The following ADAMTS7 variants were observed in gnomAD, a reference collection of about 807,000 sequenced individuals.
ADAMTS7 encodes the protein ADAM metallopeptidase with thrombospondin type 1 motif 7.
A neutral mutation model predicts 172.6 loss-of-function variants in ADAMTS7; 89 were observed. The observed-to-expected ratio is 0.52, with a 90% confidence interval of 0.43 to 0.61. ADAMTS7 has a LOEUF of 0.61. ADAMTS7 is among the 20% of genes least tolerant of loss of function. The pLI is 0.00. For synonymous variants in ADAMTS7, 885 were observed against 978.4 expected (o/e 0.90, Z 1.78); for missense variants, 1,973 against 2,355.6 (o/e 0.84, Z 3.36).
chr15:78,766,857 C>A lies in ADAMTS7; in HGVS notation c.3054G>T (p.Glu1018Asp). The change falls in exon 19 of 24, where the codon GAG becomes GAT. Residue 1018 changes from glutamate to aspartate, a missense_variant. This residue lies in a region of ADAMTS7 where 771 missense variants were observed against 952.6 expected (regional missense o/e 0.81). Transcript: ENST00000388820. ...SGSSSHELFN[E>D]ADFIPHHLAP... ...CCAGGTGGTGCGGGATGAAGTCAGC[C>A]TCGTTGAAGAGCTCGTGGCTGGAGG... 1 of 1,609,836 alleles carries A rather than the reference C, an allele frequency of 6.2e-7. No individual in the cohort carries two copies. The highest frequency in any genetic ancestry group is 8.5e-7 in the Non-Finnish European group (1 of 1,179,266).
intron 13 of ADAMTS7, among the ~76,000 whole-genome samples, chr15:78,773,496 G>C (rs2055288201): frequency 6.6e-6 from 1 of 151,826 alleles, no homozygotes; most frequent in African/African-American, 2.4e-5. Context: ...CGGGCAGGCA[G>C]GGGATCTGAC....
intron 8 of ADAMTS7, among the ~76,000 whole-genome samples, chr15:78,787,284 C>T (rs530207935): frequency 2.3e-5 from 3 of 132,410 alleles, no homozygotes; most frequent in African/African-American, 8.3e-5. Context: ...ATGAATGGTA[C>T]AATTTATGCC....
At position 78,771,547 on chromosome 15, in the gene ADAMTS7, C is replaced by T; in HGVS notation, c.2376+38G>A. ...GAGGGTGCTGGGCCTGGGGACTCCG[C>T]CTCTGCTCCCCCCGCCTGGGCCACG... On this transcript the variant is annotated intron_variant, in intron 15 of 23. Transcript: ENST00000388820. The surrounding 1 kb of genome is among the most constrained non-coding windows in gnomAD (Gnocchi z 4.9). 1.3e-6 allele frequency: 2 copies of T among 1,567,710 alleles called. No individual in the cohort carries two copies. The highest frequency in any genetic ancestry group is 2.3e-5 in the South Asian group (2 of 87,070).
At chr15:78,792,926 A>T (rs191147777) in intron 4 of ADAMTS7, among the ~76,000 whole-genome samples, 2 of 152,250 alleles carry the variant, frequency 1.3e-5, no homozygotes, top group Admixed American at 1.3e-4. Flanking sequence ...AAGCTCTAGG[A>T]CTCAGGTCTG....
In ADAMTS7 at chr15:78,796,644, C is replaced by T; in HGVS notation, c.765G>A (p.Val255=). ...ETLVVADAKM[V]EYHGQPQVES... Reference sequence around the variant, plus strand: ...CAACCTGCGGCTGTCCGTGGTACTCCACCATTTTGGCATCAGCTACTACCA... The same window carrying T: ...CAACCTGCGGCTGTCCGTGGTACTCTACCATTTTGGCATCAGCTACTACCA... Residue 255 remains valine (V), a synonymous_variant, in exon 4 of 24, where the codon GTG becomes GTA. Coordinates refer to ENST00000388820, the MANE Select transcript of ADAMTS7 (RefSeq NM_014272.5). 6.2e-7 allele frequency: 1 copy of T among 1,614,162 alleles called. No individual in the cohort carries two copies. The highest frequency in any genetic ancestry group is 8.5e-7 in the Non-Finnish European group (1 of 1,180,018).
Position 78,806,343 on chromosome 15 carries a change from G to A in ADAMTS7, c.100+4778C>T, listed in dbSNP as rs180690641. On this transcript the variant is annotated intron_variant, in intron 1 of 23. Transcript: ENST00000388820. ...GTGAAGACAAGAAGGGCCTCATGGT[G>A]GTAGGGGCACTGTGTGGTAAACCCT... Among the ~76,000 whole-genome samples the A allele has an allele frequency of 3.1e-3, 467 of 152,216 alleles. 2 individuals are homozygous for A. Among genetic ancestry groups the A allele is most frequent in the African/African-American group, 0.01 (435 of 41,538 alleles).
At position 78,763,799 on chromosome 15, in the gene ADAMTS7, C is replaced by T. The variant is rs1414129427; in HGVS notation, c.4640G>A (p.Cys1547Tyr). 1 of 1,586,150 alleles carries T rather than the reference C, an allele frequency of 6.3e-7. No homozygotes were observed. Among genetic ancestry groups the T allele is most frequent in the Non-Finnish European group, 8.6e-7 (1 of 1,168,704 alleles). ...GGGEQQRLVT[C>Y]PEPGLCEEAL... Reference sequence around the variant, plus strand: ...CTCCTCGCAGAGGCCTGGCTCCGGGCAGGTCACTAGACGCTGCTGCTCACC... The same window carrying T: ...CTCCTCGCAGAGGCCTGGCTCCGGGTAGGTCACTAGACGCTGCTGCTCACC... Residue 1547 changes from cysteine (C) to tyrosine (Y), a missense_variant, in exon 22 of 24, where the codon TGC becomes TAC. Cys to Tyr is a radical substitution (Grantham distance 194). Around this residue, in one of 8 missense-constraint regions of ADAMTS7, gnomAD observed 218 missense variants for 216.9 expected, o/e 1.01. Transcript: ENST00000388820.
rs139513941 is a variant in ADAMTS7, at chr15:78,766,345, G to T, written c.3566C>A (p.Thr1189Asn). 1.0e-3 allele frequency: 1,641 copies of T among 1,610,950 alleles called. 7 individuals carry two copies. Among genetic ancestry groups the T allele is most frequent in the Middle Eastern group, 1.8e-3 (8 of 4,480 alleles). Residue 1189 changes from threonine to asparagine, a missense_variant, in exon 19 of 24, where the codon ACC (threonine) becomes AAC (asparagine). Around this residue, in one of 8 missense-constraint regions of ADAMTS7, gnomAD observed 771 missense variants for 952.6 expected, o/e 0.81. Coordinates refer to ENST00000388820, the MANE Select transcript of ADAMTS7 (RefSeq NM_014272.5). ...VSTDGLQTPA[T>N]PESQNDFPVG... ...TGGGAAATCATTTTGGCTCTCAGGGGTGGCAGGTGTCTGCAGGCCATCAGT... is the reference window on the plus strand; with the variant it reads ...TGGGAAATCATTTTGGCTCTCAGGGTTGGCAGGTGTCTGCAGGCCATCAGT...
chr15:78,768,737 T>C (rs574404442), intron 16 of ADAMTS7, among the ~76,000 whole-genome samples: 30 of 152,290 alleles, frequency 2.0e-4, no homozygotes, highest in Non-Finnish European at 4.4e-5. Flanking sequence ...AACCCAGCCA[T>C]GGCTCCTGCC....
At chr15:78,760,235 C>G (rs532614095) in intron 23 of ADAMTS7, among the ~76,000 whole-genome samples, 15 of 152,312 alleles carry the variant, frequency 9.8e-5, no homozygotes, top group African/African-American at 3.6e-4. Context: ...CTGTGCTTGT[C>G]AGGGCTGAGG....
intron 8 of ADAMTS7, among the ~76,000 whole-genome samples, chr15:78,786,174 C>A (rs907203909): frequency 3.3e-5 from 5 of 151,940 alleles, no homozygotes; most frequent in African/African-American, 1.2e-4. Flanking sequence ...AAGTGATCCA[C>A]CTGCCTCAGC....
Position 78,789,696 on chromosome 15 carries a change from C to T in ADAMTS7, c.1171G>A (p.Gly391Arg), listed in dbSNP as rs774694490. Reference sequence around the variant, plus strand: ...TGGGGGCAGGCACAGTACCTGTGCCCGAGCTCGTGGGCTACAGTGAAGGCC... The same window carrying T: ...TGGGGGCAGGCACAGTACCTGTGCCTGAGCTCGTGGGCTACAGTGAAGGCC... ...PLAFTVAHEL[G>R]HSFGIQHDGS... The change falls in exon 7 of 24, where the codon GGG (glycine) becomes AGG (arginine). Residue 391 changes from glycine (G) to arginine (R), a missense_variant. Physicochemically the swap from Gly to Arg is moderately radical, Grantham distance 125 (BLOSUM62 -2). This residue lies in a region of ADAMTS7 where 526 missense variants were observed against 662.9 expected (regional missense o/e 0.79). Transcript: ENST00000388820. 12 of 1,613,634 alleles carry T rather than the reference C, an allele frequency of 7.4e-6. No homozygotes were observed. The highest frequency in any genetic ancestry group is 2.2e-5 in the East Asian group (1 of 44,898).
At chr15:78,797,634 C>T (rs901911773) in intron 3 of ADAMTS7, among the ~76,000 whole-genome samples, 4 of 152,320 alleles carry the variant, frequency 2.6e-5, no homozygotes, top group African/African-American at 9.6e-5. Context: ...GGAAGAACGG[C>T]TGGCAGAGCC....
chr15:78,778,604 G>A (rs2055386680), intron 8 of ADAMTS7, among the ~76,000 whole-genome samples: 1 of 152,166 alleles, frequency 6.6e-6, no homozygotes, highest in African/African-American at 2.4e-5. Flanking sequence ...AGACTTGCAG[G>A]GCTGGGGACG....
chr15:78,791,316 G>T, intron 4 of ADAMTS7, 93 bp from the exon 5 acceptor site: 1 of 890,324 alleles, frequency 1.1e-6, no homozygotes, highest in Non-Finnish European at 1.6e-6. Context: ...GCAGGGCAAC[G>T]CACACCTGTG....
At chr15:78,774,525 G>A (rs1420749218) in intron 12 of ADAMTS7, 99 bp downstream of exon 12, 2 of 1,570,656 alleles carry the variant, frequency 1.3e-6, no homozygotes, top group African/African-American at 2.7e-5. Context: ...CCAGGCTTGG[G>A]GTGAAGACTG....
Position 78,766,704 on chromosome 15 carries a change from G to C in ADAMTS7, c.3207C>G (p.Phe1069Leu). ...AGGACAGATCCTCGTGGAAATTGAT[G>C]AAATTGTAGTCGTAGTAGAAGTCGT... is the stretch of plus-strand genomic sequence containing the variant. Reference protein sequence around the residue: ...FVDDFYYDYNFINFHEDLSYG... With the variant: ...FVDDFYYDYNLINFHEDLSYG... The change falls in exon 19 of 24, where the codon TTC becomes TTG. Residue 1069 changes from phenylalanine to leucine, a missense_variant. Phe to Leu is a conservative substitution (Grantham distance 22). Coordinates refer to ENST00000388820, the MANE Select transcript of ADAMTS7 (RefSeq NM_014272.5). The C allele has an allele frequency of 6.2e-7, 1 of 1,610,926 alleles. No individual in the cohort carries two copies. Among genetic ancestry groups the C allele is most frequent in the Non-Finnish European group, 8.5e-7 (1 of 1,179,842 alleles).
rs1319163816 is a variant in ADAMTS7 at position 78,771,593 on chromosome 15, A to G, written c.2368T>C (p.Trp790Arg). The stretch of plus-strand genomic sequence containing the variant: ...CCACGGGAGGCAGGCACCTGGATCC[A>G]GACAGGCTCCTTGGTGGGACCCGGG... Reference protein sequence around the residue: ...TSPGPTKEPVWIQLLFQESNP... With the variant: ...TSPGPTKEPVRIQLLFQESNP... Residue 790 changes from tryptophan (W) to arginine (R), a missense_variant, in exon 15 of 24, where the codon TGG (tryptophan) becomes CGG (arginine). Physicochemically the swap from Trp to Arg is moderately radical, Grantham distance 101 (BLOSUM62 -3). Transcript: ENST00000388820. The surrounding 1 kb of genome is among the most constrained non-coding windows in gnomAD (Gnocchi z 4.9). 6.3e-7 allele frequency: 1 copy of G among 1,598,022 alleles called. No individual in the cohort carries two copies. The highest frequency in any genetic ancestry group is 1.7e-5 in the Admixed American group (1 of 59,206).
Position 78,788,485 on chromosome 15 carries a change from C to T in ADAMTS7, c.1179-111G>A, listed in dbSNP as rs1389894253. 11 of 1,329,534 alleles carry T rather than the reference C, an allele frequency of 8.3e-6. No individual in the cohort carries two copies. In the African/African-American group the frequency reaches 1.5e-4, roughly 18 times the overall value. The allele number at this position is 1,329,534 out of a possible 1,614,324, so 82.4% of individuals were successfully genotyped here. Reference sequence around the variant, plus strand: ...GTCCTAGTTCCCAGGGCTGGTTCTGCCACCCAATGGCTGCACCCAATGGCT... The same window carrying T: ...GTCCTAGTTCCCAGGGCTGGTTCTGTCACCCAATGGCTGCACCCAATGGCT... On this transcript the variant is annotated intron_variant, in intron 7 of 23. Coordinates refer to ENST00000388820, the MANE Select transcript of ADAMTS7 (RefSeq NM_014272.5).
Sources: gnomAD v4.1 joint callset for allele counts (sites outside exome capture counted in the v4.1 genomes callset) on GRCh38, gnomAD v4.1.1 for gene constraint, gnomAD v4.1.1 regional missense constraint, Gnocchi (gnomAD v3.1) non-coding constraint, MANE v1.5 for transcripts, NCBI Gene and HGNC (gene_info 2026-07-23, HGNC 2026-07-21) for gene names.